The following CARMIL1 variants were observed in gnomAD, a reference collection of about 807,000 sequenced individuals.
The protein encoded by CARMIL1 is F-actin-uncapping protein LRRC16A.
Under a neutral mutation model 177.1 loss-of-function variants are expected in CARMIL1, and 90 were observed. The ratio of observed to expected loss-of-function variants is 0.51; its 90% CI spans 0.43 to 0.61. The LOEUF (loss-of-function observed/expected upper bound fraction) is 0.61. Among genes scored for constraint, CARMIL1 ranks in the 20% least tolerant of loss-of-function variants. CARMIL1 has a pLI of 0.00. For missense variants in CARMIL1, 1,380 were observed against 1,667.0 expected, an observed-to-expected ratio of 0.83 and a Z score of 3.00; for synonymous variants, 577 against 606.2, an observed-to-expected ratio of 0.95 and a Z score of 0.71.
At chr6:25,393,122 C>G (rs1793042107) in intron 2 of CARMIL1, among the ~76,000 whole-genome samples, 1 of 151,876 alleles carries the variant, frequency 6.6e-6, no homozygotes, top group African/African-American at 2.4e-5. Flanking sequence ...TCCACAATAA[C>G]TTACGAATTG....
intron 2 of CARMIL1, among the ~76,000 whole-genome samples, chr6:25,336,394 C>G (rs1354813279): frequency 6.6e-6 from 1 of 152,186 alleles, no homozygotes; most frequent in East Asian, 1.9e-4. Flanking sequence ...AGACTGTACT[C>G]TACTCACCTC....
intron 2 of CARMIL1, among the ~76,000 whole-genome samples, chr6:25,300,230 C>A (rs994958684): frequency 3.3e-5 from 5 of 152,122 alleles, no homozygotes; most frequent in East Asian, 1.9e-4. Flanking sequence ...ATTTAGATAA[C>A]CAAATCTGTA....
chr6:25,460,519 C>T (rs1208618812), intron 8 of CARMIL1, among the ~76,000 whole-genome samples: 2 of 152,176 alleles, frequency 1.3e-5, no homozygotes, highest in Non-Finnish European at 2.9e-5. Flanking sequence ...TCCTGAATGT[C>T]ACTCTACACT....
intron 2 of CARMIL1, among the ~76,000 whole-genome samples, chr6:25,329,642 G>A (rs1254465276): frequency 6.6e-6 from 1 of 152,186 alleles, no homozygotes; most frequent in Non-Finnish European, 1.5e-5. Context: ...TAAATTGAAT[G>A]CATCAGGGAT....
At chr6:25,610,259 T>C in intron 36 of CARMIL1, 78 bp downstream of exon 36, 1 of 1,451,228 alleles carries the variant, frequency 6.9e-7, no homozygotes, top group Non-Finnish European at 9.1e-7. Context: ...GAACTCATCC[T>C]GGACTTTACT....
rs1796292541 is a variant in CARMIL1, at chr6:25,426,530, T to G, written c.219T>G (p.Ile73Met). The change falls in exon 4 of 37, where the codon ATT (isoleucine) becomes ATG (methionine). Residue 73 changes from isoleucine to methionine, a missense_variant. Ile to Met is a conservative substitution (Grantham distance 10). Coordinates refer to ENST00000329474, the MANE Select transcript of CARMIL1 (RefSeq NM_017640.6). ...KLELTFSYLE[I>M]HGVVCSKSAQ... The stretch of plus-strand genomic sequence containing the variant: ...AGTTAACCTTCAGCTACTTGGAGAT[T>G]CATGGCGTCGTTTGCAGCAAGTCAG... 1 of 1,612,542 alleles carries G rather than the reference T, an allele frequency of 6.2e-7. No individual in the cohort carries two copies.
chr6:25,386,698 C>G (rs1792195216), intron 2 of CARMIL1, among the ~76,000 whole-genome samples: 3 of 152,092 alleles, frequency 2.0e-5, no homozygotes, highest in Admixed American at 2.0e-4. Flanking sequence ...TTAATATAAG[C>G]AAAGACTAAG....
chr6:25,447,162 G>C (rs1330816168), intron 5 of CARMIL1, among the ~76,000 whole-genome samples: 2 of 152,174 alleles, frequency 1.3e-5, no homozygotes. Context: ...ATGCAAGGTT[G>C]CCACAAAGCT....
chr6:25,519,436 G>C (rs73734021), intron 22 of CARMIL1, among the ~76,000 whole-genome samples: 33 of 152,282 alleles, frequency 2.2e-4, no homozygotes, highest in African/African-American at 7.9e-4. Context: ...TTTGCAGCAG[G>C]GTCAGGATCA....
intron 31 of CARMIL1, among the ~76,000 whole-genome samples, chr6:25,593,581 C>T (rs564222540): frequency 1.3e-5 from 2 of 152,290 alleles, no homozygotes; most frequent in South Asian, 4.1e-4. Context: ...ATCCAGAAGC[C>T]TCAGGATCCA....
chr6:25,527,123 C>T (rs1366323563), intron 23 of CARMIL1, among the ~76,000 whole-genome samples: 1 of 152,194 alleles, frequency 6.6e-6, no homozygotes, highest in African/African-American at 2.4e-5. Flanking sequence ...TATCTCCCAG[C>T]TTGCTCTCAG....
intron 5 of CARMIL1, among the ~76,000 whole-genome samples, chr6:25,443,523 G>A (rs1797951375): frequency 6.6e-6 from 1 of 152,194 alleles, no homozygotes; most frequent in African/African-American, 2.4e-5. Context: ...ATACCTTGGA[G>A]GTACTATGGG....
intron 8 of CARMIL1, among the ~76,000 whole-genome samples, chr6:25,463,859 G>A (rs1302245842): frequency 8.6e-6 from 1 of 116,456 alleles, no homozygotes; most frequent in Non-Finnish European, 1.6e-5. Flanking sequence ...GTCTCGCTCT[G>A]TCGCCCAGGC....
At chr6:25,303,095 T>G (rs1017738319) in intron 2 of CARMIL1, among the ~76,000 whole-genome samples, 1 of 151,924 alleles carries the variant, frequency 6.6e-6, no homozygotes, top group Non-Finnish European at 1.5e-5. Flanking sequence ...TTGCATGTAC[T>G]TTCAACTTTT....
intron 2 of CARMIL1, among the ~76,000 whole-genome samples, chr6:25,352,357 A>C (rs1014281002): frequency 9.4e-5 from 14 of 149,364 alleles, no homozygotes; most frequent in Non-Finnish European, 1.6e-4. Context: ...AACTTTTATT[A>C]TGTGTCTTCC....
intron 2 of CARMIL1, among the ~76,000 whole-genome samples, chr6:25,311,891 G>C (rs923220592): frequency 6.6e-6 from 1 of 152,216 alleles, no homozygotes; most frequent in African/African-American, 2.4e-5. Context: ...ACTAGCCACT[G>C]ATTTTGTCTC....
intron 27 of CARMIL1, among the ~76,000 whole-genome samples, chr6:25,551,881 T>C (rs1444449828): frequency 2.0e-5 from 3 of 152,198 alleles, no homozygotes; most frequent in East Asian, 3.9e-4. Context: ...CACACAATGA[T>C]ACAGCTAAAT....
chr6:25,317,472 A>C (rs1343373706), intron 2 of CARMIL1, among the ~76,000 whole-genome samples: 1 of 147,838 alleles, frequency 6.8e-6, no homozygotes, highest in Non-Finnish European at 1.5e-5. Context: ...CCATAACATC[A>C]TATTGTTTCC....
intron 2 of CARMIL1, among the ~76,000 whole-genome samples, chr6:25,359,703 C>T (rs1242236782): frequency 6.6e-6 from 1 of 152,150 alleles, no homozygotes; most frequent in African/African-American, 2.4e-5. Flanking sequence ...GAATCATTTC[C>T]TGTGGGTGCA....
Sources: allele counts gnomAD v4.1 joint callset (sites outside exome capture counted in the v4.1 genomes callset), GRCh38; gene constraint gnomAD v4.1.1; transcripts MANE v1.5; gene names NCBI Gene and HGNC (gene_info 2026-07-23, HGNC 2026-07-21).